Variants in CNTNAP4 observed in about 807,000 individuals in gnomAD.
CNTNAP4 encodes the protein contactin-associated protein-like 4.
In CNTNAP4, 98 loss-of-function variants were observed where a neutral mutation model predicts 148.4. The ratio of observed to expected loss-of-function variants is 0.66; its 90% confidence interval spans 0.56 to 0.78. CNTNAP4 has a LOEUF of 0.78. Among genes scored for constraint, CNTNAP4 ranks in the 30% least tolerant of loss-of-function variants. The pLI is 0.00. For synonymous variants in CNTNAP4, 730 were observed against 565.1 expected (o/e 1.29, Z -4.14); for missense variants, 1,935 against 1,565.6 (o/e 1.24, Z -3.98).
rs563633758 is a variant in CNTNAP4 at position 76,438,096 on chromosome 16, G to A, written c.539-9916G>A. Among the ~76,000 whole-genome samples the A allele has an allele frequency of 8.5e-5, 13 of 152,238 alleles. No homozygotes were observed. The South Asian group carries it at 1.9e-3, about 22-fold the overall frequency. Reference sequence around the variant, plus strand: ...TCTTGCTTTTACCAAAGGACCAGCAGAAAATAGCTAGATTTTACTAGGAAG... The same window carrying A: ...TCTTGCTTTTACCAAAGGACCAGCAAAAAATAGCTAGATTTTACTAGGAAG... On this transcript the variant is annotated intron_variant, in intron 4 of 23. Coordinates refer to ENST00000611870, the MANE Select transcript of CNTNAP4 (RefSeq NM_033401.5).
intron 21 of CNTNAP4, 52 bp from the exon 22 acceptor site, chr16:76,553,231 G>GCCT: frequency 9.1e-7 from 1 of 1,093,552 alleles, no homozygotes; most frequent in South Asian, 1.5e-5. Flanking sequence ...CTGCATCATC[G>GCCT]CCTATTTTCA....
chr16:76,393,773 C>G (rs1275793645), intron 3 of CNTNAP4, among the ~76,000 whole-genome samples: 2 of 152,124 alleles, frequency 1.3e-5, no homozygotes, highest in African/African-American at 2.4e-5. Context: ...AGACTTCAGC[C>G]TGCGGTGCTA....
intron 15 of CNTNAP4, among the ~76,000 whole-genome samples, chr16:76,501,834 G>A (rs1434589398): frequency 1.3e-5 from 2 of 152,172 alleles, no homozygotes; most frequent in South Asian, 4.1e-4. Context: ...ACTTTGGGAG[G>A]CCGAGGCGGG....
chr16:76,524,421 A>C (rs1370738336), intron 17 of CNTNAP4, among the ~76,000 whole-genome samples: 1 of 152,204 alleles, frequency 6.6e-6, no homozygotes, highest in African/African-American at 2.4e-5. Flanking sequence ...TAGCCTTACT[A>C]TTCTTGGAAA....
At chr16:76,490,027 G>T in intron 13 of CNTNAP4, 144 bp downstream of exon 13, 1 of 454,100 alleles carries the variant, frequency 2.2e-6, no homozygotes, top group Non-Finnish European at 3.8e-6. Context: ...ACATGTCACA[G>T]TCTGGAAGTC....
At position 76,489,697 on chromosome 16, in the gene CNTNAP4, A is replaced by G; in HGVS notation, c.1894A>G (p.Thr632Ala). Residue 632 changes from threonine to alanine, a missense_variant, in exon 13 of 24, where the codon ACC (threonine) becomes GCC (alanine). By Grantham distance (58) the Thr-to-Ala change is moderately conservative. Transcript: ENST00000611870. The part of the protein sequence containing the change: ...LYCNMTETAW[T>A]IIQHNGSDLT... ...TTTCTGCATACAAGAAACTGCATGG[A>G]CCATCATACAGCACAACGGCTCTGA... 6.3e-7 allele frequency: 1 copy of G among 1,580,420 alleles called. No individual in the cohort carries two copies. The highest frequency in any genetic ancestry group is 8.6e-7 in the Non-Finnish European group (1 of 1,157,382).
chr16:76,446,916 A>C (rs1568202374), intron 4 of CNTNAP4, among the ~76,000 whole-genome samples: 1 of 152,132 alleles, frequency 6.6e-6, no homozygotes, highest in African/African-American at 2.4e-5. Flanking sequence ...AATTCCAAGA[A>C]CTCCATTAAA....
Position 76,558,909 on chromosome 16 carries a change from C to T in CNTNAP4, c.*226C>T, listed in dbSNP as rs865859291. ...GAAATTAGATATTGCTGTTAATTTTCAACTGTTCTGGTATGATCTAAAACA... is the reference window on the plus strand; with the variant it reads ...GAAATTAGATATTGCTGTTAATTTTTAACTGTTCTGGTATGATCTAAAACA... On this transcript the variant is annotated 3_prime_UTR_variant, in exon 24 of 24. Coordinates refer to ENST00000611870, the MANE Select transcript of CNTNAP4 (RefSeq NM_033401.5). 5.8e-5 allele frequency: 23 copies of T among 394,128 alleles called. No individual in the cohort carries two copies. Among genetic ancestry groups the T allele is most frequent in the Middle Eastern group, 6.7e-4 (1 of 1,502 alleles). 24.4% of individuals were successfully genotyped at this position (394,128 alleles called of 1,614,324 possible). A position where few individuals can be genotyped will look rare whatever the true frequency, so the allele number is the denominator to read the frequency against.
intron 17 of CNTNAP4, among the ~76,000 whole-genome samples, chr16:76,530,122 G>A (rs898238518): frequency 3.3e-5 from 5 of 151,518 alleles, no homozygotes; most frequent in East Asian, 1.9e-4. Flanking sequence ...TAAGATCTTC[G>A]ACCTCTCTGT....
chr16:76,328,646 G>A (rs1333995246), intron 2 of CNTNAP4, among the ~76,000 whole-genome samples: 1 of 151,988 alleles, frequency 6.6e-6, no homozygotes, highest in East Asian at 1.9e-4. Flanking sequence ...ATGCCTGTAA[G>A]GTGTGTTTTT....
intron 3 of CNTNAP4, among the ~76,000 whole-genome samples, chr16:76,392,161 T>C (rs1270921738): frequency 6.6e-6 from 1 of 152,228 alleles, no homozygotes; most frequent in South Asian, 2.1e-4. Context: ...ACCCAGCTAA[T>C]TTTTGTATTT....
intron 21 of CNTNAP4, among the ~76,000 whole-genome samples, 190 bp downstream of exon 21, chr16:76,540,980 G>T (rs1231046384): frequency 6.6e-6 from 1 of 152,116 alleles, no homozygotes; most frequent in Non-Finnish European, 1.5e-5. Flanking sequence ...TGTGTGATGA[G>T]CAAGCATCTT....
At chr16:76,387,356 AAATCTC>A (rs1243151576) in intron 3 of CNTNAP4, among the ~76,000 whole-genome samples, 2 of 152,234 alleles carry the variant, frequency 1.3e-5, no homozygotes, top group Non-Finnish European at 2.9e-5. Flanking sequence ...CTCAGTTCTC[AAATCTC>A]ATTATATAAT....
chr16:76,427,252 G>GA (rs1215940340), intron 3 of CNTNAP4, among the ~76,000 whole-genome samples, 200 bp from the exon 4 acceptor site: 1 of 152,082 alleles, frequency 6.6e-6, no homozygotes. Context: ...ACTCTCTTAA[G>GA]AAAAAAGAAA....
At chr16:76,354,966 G>A (rs2012379922) in intron 2 of CNTNAP4, among the ~76,000 whole-genome samples, 1 of 152,180 alleles carries the variant, frequency 6.6e-6, no homozygotes, top group South Asian at 2.1e-4. Context: ...CCTGGGCAAA[G>A]GGGTAGCAGA....
chr16:76,442,034 G>A (rs770870734), intron 4 of CNTNAP4, among the ~76,000 whole-genome samples: 2 of 152,088 alleles, frequency 1.3e-5, no homozygotes, highest in Non-Finnish European at 2.9e-5. Flanking sequence ...GTGTTACCAT[G>A]GCAAAAGCGC....
rs142616027 is a variant in CNTNAP4, at chr16:76,558,584, A to G, written c.3828A>G (p.Ala1276=). ...QQKRLYKRSE[A]KRSENVDSAE... ...AAAGGTTATATAAAAGAAGTGAGGC[A>G]AAAAGGTCAGAGAATGTAGACAGTG... The change falls in exon 24 of 24, where the codon GCA becomes GCG. Residue 1276 remains alanine, a synonymous_variant. Coordinates refer to ENST00000611870, the MANE Select transcript of CNTNAP4 (RefSeq NM_033401.5). The G allele has an allele frequency of 2.0e-3, 3,269 of 1,612,918 alleles. 27 individuals are homozygous for G. The highest frequency in any genetic ancestry group is 0.012 in the Middle Eastern group (74 of 6,058).
intron 1 of CNTNAP4, among the ~76,000 whole-genome samples, chr16:76,299,652 C>T (rs1020889508): frequency 6.6e-6 from 1 of 152,064 alleles, no homozygotes; most frequent in Non-Finnish European, 1.5e-5. Context: ...TGGATATATA[C>T]CCAAAGGATT....
At chr16:76,521,951 A>T in intron 16 of CNTNAP4, 88 bp from the exon 17 acceptor site, 2 of 1,157,616 alleles carry the variant, frequency 1.7e-6, no homozygotes, top group Non-Finnish European at 2.6e-6. Flanking sequence ...AGCGATTGTT[A>T]CGCTGTAGTG....
Sources: gnomAD v4.1 joint callset for allele counts (sites outside exome capture counted in the v4.1 genomes callset) on GRCh38, gnomAD v4.1.1 for gene constraint, MANE v1.5 for transcripts, NCBI Gene and HGNC (gene_info 2026-07-23, HGNC 2026-07-21) for gene names.